Variants in DGLUCY observed in about 807,000 individuals in gnomAD.
DGLUCY encodes the protein D-glutamate cyclase, mitochondrial.
DGLUCY carries 58 observed loss-of-function variants against 58.5 expected under a neutral mutation model. The observed-to-expected ratio is 0.99, with a 90% CI of 0.80 to 1.23. The LOEUF (loss-of-function observed/expected upper bound fraction) is 1.23, where lower values mean the gene tolerates loss of function less well. Ranked by LOEUF, DGLUCY falls within the 50% of genes most tolerant of loss-of-function variation. The pLI is 0.00. For synonymous variants in DGLUCY, 325 were observed against 314.1 expected (o/e 1.03, Z -0.37); for missense variants, 779 against 784.7 (o/e 0.99, Z 0.09).
chr14:91,188,673 A>C (rs1030076490), intron 8 of DGLUCY, among the ~76,000 whole-genome samples: 3 of 151,332 alleles, frequency 2.0e-5, no homozygotes, highest in Non-Finnish European at 4.4e-5. Context: ...AAAAAATGCC[A>C]AAAAAAATTA....
intron 1 of DGLUCY, among the ~76,000 whole-genome samples, chr14:91,150,571 A>G (rs1260431384): frequency 6.6e-6 from 1 of 151,898 alleles, no homozygotes; most frequent in Non-Finnish European, 1.5e-5. Flanking sequence ...CCTCCTGAGT[A>G]GCTGGGATTA....
At chr14:91,177,100 G>A (rs187141030) in intron 7 of DGLUCY, among the ~76,000 whole-genome samples, 1 of 152,200 alleles carries the variant, frequency 6.6e-6, no homozygotes, top group African/African-American at 2.4e-5. Context: ...CTGGGGTCAA[G>A]TGATCCTCCC....
In DGLUCY at chr14:91,206,586, T is replaced by C. The variant is rs150892096; in HGVS notation, c.1564+1761T>C. Among the ~76,000 whole-genome samples the C allele has an allele frequency of 1.8e-3, 277 of 152,150 alleles. 2 individuals carry two copies. The highest frequency in any genetic ancestry group is 6.5e-3 in the African/African-American group (268 of 41,528). On this transcript the variant is annotated intron_variant, in intron 12 of 13. Coordinates refer to ENST00000256324, the MANE Select transcript of DGLUCY (RefSeq NM_001102368.3). ...TTGGTAGAGACGGGGTTTCGCCATG[T>C]TGACCAGAGTGGTCTCGAACTCCTG...
At chr14:91,063,235 A>G (rs8004575) in intron 1 of DGLUCY, among the ~76,000 whole-genome samples, 150,682 of 151,890 alleles carry the variant, frequency 0.99, 74,756 homozygotes, top group East Asian at 1. Context: ...TCCTCTTCCT[A>G]GACACACAGG....
intron 1 of DGLUCY, among the ~76,000 whole-genome samples, chr14:91,077,031 G>A (rs986431656): frequency 6.6e-6 from 1 of 152,098 alleles, no homozygotes; most frequent in Non-Finnish European, 1.5e-5. Flanking sequence ...GATCACTTGA[G>A]CCCAGGAGTA....
chr14:91,201,170 G>A (rs61990147), intron 11 of DGLUCY, among the ~76,000 whole-genome samples: 23,366 of 152,102 alleles, frequency 0.15, 1,912 homozygotes, highest in Middle Eastern at 0.19. Flanking sequence ...ATGGTGGAGT[G>A]TCATCAGTTA....
intron 2 of DGLUCY, among the ~76,000 whole-genome samples, chr14:91,159,198 G>A (rs992928239): frequency 1.3e-5 from 2 of 151,166 alleles, no homozygotes; most frequent in African/African-American, 4.9e-5. Context: ...TGTAATCCCA[G>A]CACTTTGAGA....
intron 1 of DGLUCY, among the ~76,000 whole-genome samples, chr14:91,132,076 C>T (rs115717199): frequency 0.026 from 3,990 of 152,180 alleles, 188 homozygotes; most frequent in African/African-American, 0.091. Flanking sequence ...TTCAGGCGTG[C>T]GCCACTGTAC....
At chr14:91,186,006 A>G (rs2049493871) in intron 8 of DGLUCY, among the ~76,000 whole-genome samples, 1 of 150,946 alleles carries the variant, frequency 6.6e-6, no homozygotes, top group Admixed American at 6.6e-5. Flanking sequence ...GGACATAATA[A>G]TAGACCCACT....
intron 2 of DGLUCY, among the ~76,000 whole-genome samples, chr14:91,160,000 A>AGGGAGCTGTTAG: frequency 6.6e-6 from 1 of 152,298 alleles, no homozygotes; most frequent in Non-Finnish European, 1.5e-5. Flanking sequence ...GCAGCTCCCG[A>AGGGAGCTGTTAG]GGAATGGAAA....
At chr14:91,146,831 G>A (rs1284390996) in intron 1 of DGLUCY, among the ~76,000 whole-genome samples, 2 of 152,120 alleles carry the variant, frequency 1.3e-5, no homozygotes, top group Admixed American at 1.3e-4. Flanking sequence ...GTTTTTCAGA[G>A]CAAGTAGGTA....
At position 91,190,019 on chromosome 14, in the gene DGLUCY, G is replaced by A. The variant is rs1038184474; in HGVS notation, c.1195+849G>A. ...TTTTTTTTTTTTGAGACGGAGTCTC[G>A]CTCTGTCGCCCAGGCTGGAGTGCAG... On this transcript the variant is annotated intron_variant, in intron 9 of 13. Transcript: ENST00000256324. Among the ~76,000 whole-genome samples the A allele has an allele frequency of 2.0e-3, 240 of 118,846 alleles. 2 individuals carry two copies. Among genetic ancestry groups the A allele is most frequent in the African/African-American group, 7.6e-3 (228 of 30,146 alleles). The allele number at this position is 118,846 out of a possible 152,430, so 78.0% of individuals were successfully genotyped here.
chr14:91,154,849 A>G (rs1269012657), intron 1 of DGLUCY, among the ~76,000 whole-genome samples: 1 of 152,194 alleles, frequency 6.6e-6, no homozygotes, highest in Non-Finnish European at 1.5e-5. Context: ...GGATAAATCC[A>G]AATTTCTTCA....
At chr14:91,161,281 A>C (rs2047966281) in intron 3 of DGLUCY, among the ~76,000 whole-genome samples, 1 of 152,210 alleles carries the variant, frequency 6.6e-6, no homozygotes, top group African/African-American at 2.4e-5. Flanking sequence ...CGTGTTAGCC[A>C]GGATGGTCTC....
chr14:91,202,342 C>A (rs1376026988), intron 11 of DGLUCY, among the ~76,000 whole-genome samples: 1 of 152,142 alleles, frequency 6.6e-6, no homozygotes, highest in Non-Finnish European at 1.5e-5. Flanking sequence ...GAGAACCTTT[C>A]TTCCCTCTGG....
intron 5 of DGLUCY, 116 bp downstream of exon 5, chr14:91,170,317 C>A: frequency 8.6e-7 from 1 of 1,162,140 alleles, no homozygotes; most frequent in Non-Finnish European, 1.2e-6. Context: ...TAAGCTCCAG[C>A]CCCAGCTCAG....
chr14:91,168,822 C>T (rs2048416865), intron 4 of DGLUCY, among the ~76,000 whole-genome samples: 1 of 152,218 alleles, frequency 6.6e-6, no homozygotes, highest in Non-Finnish European at 1.5e-5. Flanking sequence ...CGCGGTGGCT[C>T]ACGCCTGTAA....
intron 4 of DGLUCY, chr14:91,167,790 C>G (rs2048366957): frequency 1.6e-6 from 1 of 634,744 alleles, no homozygotes. Flanking sequence ...AGTAAATGGC[C>G]CTACTGATGC....
intron 1 of DGLUCY, among the ~76,000 whole-genome samples, chr14:91,149,247 CA>C (rs530717496): frequency 2.3e-3 from 263 of 113,746 alleles, no homozygotes; most frequent in Non-Finnish European, 2.4e-3. Flanking sequence ...AACTCTATCT[CA>C]AAAAAAAAAA....
Sources: allele counts gnomAD v4.1 joint callset (sites outside exome capture counted in the v4.1 genomes callset), GRCh38; gene constraint gnomAD v4.1.1; transcripts MANE v1.5; gene names NCBI Gene and HGNC (gene_info 2026-07-23, HGNC 2026-07-21).